Variants in LRFN2 observed in about 807,000 individuals in gnomAD.
LRFN2 encodes the protein leucine-rich repeat and fibronectin type-III domain-containing protein 2.
In LRFN2, 18 loss-of-function variants were observed where a neutral mutation model predicts 37.3. The ratio of observed to expected loss-of-function variants is 0.48; its 90% CI spans 0.33 to 0.72. The LOEUF is 0.72. Among genes scored for constraint, LRFN2 ranks in the 30% least tolerant of loss-of-function variants. The pLI is 0.02. For synonymous variants in LRFN2, 556 were observed against 466.6 expected (o/e 1.19, Z -2.47); for missense variants, 1,006 against 1,060.7 (o/e 0.95, Z 0.72).
At chr6:40,487,347 C>A (rs1764985157) in intron 1 of LRFN2, among the ~76,000 whole-genome samples, 1 of 152,204 alleles carries the variant, frequency 6.6e-6, no homozygotes. Context: ...TTCACCTGAG[C>A]TCCAGACTCA....
intron 1 of LRFN2, among the ~76,000 whole-genome samples, chr6:40,494,325 G>T (rs1352627403): frequency 6.6e-6 from 1 of 152,138 alleles, no homozygotes; most frequent in Non-Finnish European, 1.5e-5. Flanking sequence ...CCCTCTCAAA[G>T]GCTGCTCAGG....
intron 1 of LRFN2, among the ~76,000 whole-genome samples, chr6:40,463,925 A>G (rs61412573): frequency 0.034 from 5,238 of 151,832 alleles, 159 homozygotes; most frequent in East Asian, 0.092. Context: ...CCATCACACC[A>G]TTTCTTATCC....
intron 1 of LRFN2, among the ~76,000 whole-genome samples, chr6:40,457,406 A>G (rs1304323675): frequency 6.6e-6 from 1 of 152,016 alleles, no homozygotes; most frequent in African/African-American, 2.4e-5. Flanking sequence ...TCACATGTAT[A>G]AATATTTTCT....
intron 1 of LRFN2, among the ~76,000 whole-genome samples, chr6:40,515,244 A>C (rs1765829503): frequency 6.6e-6 from 1 of 152,180 alleles, no homozygotes; most frequent in African/African-American, 2.4e-5. Flanking sequence ...TGGCAGGGGA[A>C]TGTCATATAT....
At chr6:40,540,147 T>G (rs1766525727) in intron 1 of LRFN2, among the ~76,000 whole-genome samples, 1 of 152,288 alleles carries the variant, frequency 6.6e-6, no homozygotes, top group African/African-American at 2.4e-5. Flanking sequence ...CTGTGTAAAC[T>G]TGGGACAGAC....
intron 1 of LRFN2, among the ~76,000 whole-genome samples, chr6:40,481,513 A>C (rs1234280664): frequency 1.3e-5 from 2 of 152,162 alleles, no homozygotes; most frequent in Middle Eastern, 3.4e-3. Context: ...CCTGGTTCAG[A>C]ATTTCATCAA....
chr6:40,570,178 C>T (rs1440015967), intron 1 of LRFN2, among the ~76,000 whole-genome samples: 1 of 152,178 alleles, frequency 6.6e-6, no homozygotes, highest in African/African-American at 2.4e-5. Flanking sequence ...CTAACCAACC[C>T]TCAACTACTT....
intron 1 of LRFN2, among the ~76,000 whole-genome samples, chr6:40,544,623 G>A (rs1766621654): frequency 6.6e-6 from 1 of 152,192 alleles, no homozygotes; most frequent in South Asian, 2.1e-4. Context: ...ATGCCCTCCT[G>A]TAACAGAAGA....
Position 40,512,878 on chromosome 6 carries a change from G to T in LRFN2, c.-19+74063C>A, listed in dbSNP as rs576425878. Among the ~76,000 whole-genome samples the T allele has an allele frequency of 6.6e-5, 10 of 152,364 alleles. 1 individual carries two copies. The highest frequency in any genetic ancestry group is 6.5e-4 in the Admixed American group (10 of 15,310). On this transcript the variant is annotated intron_variant, in intron 1 of 2. Transcript: ENST00000338305. ...TGATGGGGAAACAGCCAGCCTGGGA[G>T]ATGAGAGTGAAATATACAGAGAACC...
intron 1 of LRFN2, among the ~76,000 whole-genome samples, chr6:40,543,764 C>A (rs1032036008): frequency 3.3e-5 from 5 of 152,238 alleles, no homozygotes; most frequent in African/African-American, 9.6e-5. Context: ...GGCATCCTAG[C>A]AGCATGCTGA....
chr6:40,497,370 C>T (rs1356527796), intron 1 of LRFN2, among the ~76,000 whole-genome samples: 1 of 152,186 alleles, frequency 6.6e-6, no homozygotes, highest in Admixed American at 6.5e-5. Context: ...CTCACCCAGG[C>T]TCTACATCGT....
At chr6:40,422,175 AT>A (rs149059648) in intron 2 of LRFN2, among the ~76,000 whole-genome samples, 1 of 152,100 alleles carries the variant, frequency 6.6e-6, no homozygotes, top group African/African-American at 2.4e-5. Context: ...TAGAGAAAAG[AT>A]TTTTTCTTCC....
intron 1 of LRFN2, among the ~76,000 whole-genome samples, chr6:40,468,713 T>C (rs1275674782): frequency 6.6e-6 from 1 of 152,192 alleles, no homozygotes; most frequent in Non-Finnish European, 1.5e-5. Flanking sequence ...TCCATGCCTG[T>C]GAGGTGGTGG....
chr6:40,521,105 G>A lies in LRFN2; in HGVS notation c.-19+65836C>T, dbSNP rs144059047. ...TAGAGTCAGAGAGGACTGTGCAGCC[G>A]GAAGGAAAGAGAGAGAGAAGAGGAG... On this transcript the variant is annotated intron_variant, in intron 1 of 2. Transcript: ENST00000338305. Among the ~76,000 whole-genome samples the A allele has an allele frequency of 1.2e-4, 19 of 152,230 alleles. No individual in the cohort carries two copies. The East Asian group carries it at 1.5e-3, about 12-fold the overall frequency.
chr6:40,502,734 A>G (rs1269391391), intron 1 of LRFN2, among the ~76,000 whole-genome samples: 3 of 152,204 alleles, frequency 2.0e-5, no homozygotes, highest in Non-Finnish European at 2.9e-5. Flanking sequence ...TGGGTGATTG[A>G]CTACCTGCAC....
intron 1 of LRFN2, among the ~76,000 whole-genome samples, chr6:40,475,939 C>G (rs1764701149): frequency 6.6e-6 from 1 of 152,202 alleles, no homozygotes; most frequent in African/African-American, 2.4e-5. Flanking sequence ...GTGTTTTGCC[C>G]TAGAGTGGTG....
chr6:40,423,760 C>T (rs1581693857), intron 2 of LRFN2, among the ~76,000 whole-genome samples: 1 of 152,312 alleles, frequency 6.6e-6, no homozygotes, highest in East Asian at 1.9e-4. Flanking sequence ...CCCCACTTTG[C>T]TTTCTTGCCC....
At chr6:40,451,963 A>G (rs1443326484) in intron 1 of LRFN2, among the ~76,000 whole-genome samples, 1 of 152,212 alleles carries the variant, frequency 6.6e-6, no homozygotes, top group Non-Finnish European at 1.5e-5. Flanking sequence ...AGGAATCATC[A>G]TCACTCCTTC....
intron 1 of LRFN2, among the ~76,000 whole-genome samples, chr6:40,574,188 TA>T (rs1767235206): frequency 1.3e-5 from 2 of 152,318 alleles, no homozygotes; most frequent in South Asian, 4.1e-4. Context: ...ACAAACACTT[TA>T]ATAACATATG....
Sources: gnomAD v4.1 joint callset for allele counts (sites outside exome capture counted in the v4.1 genomes callset) on GRCh38, gnomAD v4.1.1 for gene constraint, MANE v1.5 for transcripts, NCBI Gene and HGNC (gene_info 2026-07-23, HGNC 2026-07-21) for gene names.